The following DCHS2 variants were observed in gnomAD, a reference collection of about 807,000 sequenced individuals.
DCHS2 encodes dachsous cadherin-related 2, also known as protocadherin-23.
DCHS2 carries 142 observed loss-of-function variants against 182.4 expected under a neutral mutation model. That is an observed-to-expected ratio of 0.78 (90% CI 0.68 to 0.89). The LOEUF is 0.89. Ranked by LOEUF, DCHS2 falls within the 40% of genes least tolerant of loss-of-function variation. The pLI, the probability that DCHS2 is intolerant of heterozygous loss-of-function variation, is 0.00. For synonymous variants in DCHS2, 1,740 were observed against 1,663.3 expected, an observed-to-expected ratio of 1.05 and a Z score of -1.12; for missense variants, 4,319 against 4,198.6, an observed-to-expected ratio of 1.03 and a Z score of -0.79.
chr4:154,315,771 A>G lies in DCHS2; in HGVS notation c.5237T>C (p.Val1746Ala). ...NQNPGEFVTRVEALDRDSGVN... is the reference protein window; with the variant it reads ...NQNPGEFVTRAEALDRDSGVN... ...ACCTGAATCTCTGTCCAGAGCTTCA[A>G]CCCTGGTAACAAACTCCCCTGGATT... Residue 1746 changes from valine to alanine, a missense_variant, in exon 10 of 20, where the codon GTT becomes GCT. By Grantham distance (64) the Val-to-Ala change is moderately conservative (BLOSUM62 0). Coordinates refer to ENST00000357232, the MANE Select transcript of DCHS2 (RefSeq NM_001358235.2). 6.2e-7 allele frequency: 1 copy of G among 1,614,052 alleles called. No individual in the cohort carries two copies. Among genetic ancestry groups the G allele is most frequent in the East Asian group, 2.2e-5 (1 of 44,868 alleles).
chr4:154,472,451 C>A (rs1735509948), intron 1 of DCHS2, among the ~76,000 whole-genome samples: 4 of 152,114 alleles, frequency 2.6e-5, no homozygotes, highest in African/African-American at 9.7e-5. Context: ...TAAATTAAAT[C>A]AAATGTTGTG....
At chr4:154,361,291 G>A (rs1363094195) in intron 3 of DCHS2, among the ~76,000 whole-genome samples, 1 of 151,864 alleles carries the variant, frequency 6.6e-6, no homozygotes, top group African/African-American at 2.4e-5. Context: ...TTATACCCAG[G>A]TAACTTCACC....
chr4:154,337,142 T>C (rs1728848715), intron 3 of DCHS2, among the ~76,000 whole-genome samples: 3 of 152,278 alleles, frequency 2.0e-5, no homozygotes, highest in Admixed American at 1.3e-4. Flanking sequence ...TGGTGCAGTT[T>C]CTAAAAAATA....
chr4:154,307,728 A>G (rs2111306250), intron 10 of DCHS2, among the ~76,000 whole-genome samples: 1 of 152,224 alleles, frequency 6.6e-6, no homozygotes, highest in Non-Finnish European at 1.5e-5. Flanking sequence ...AAATTTCACA[A>G]CAGCATGGAT....
At chr4:154,454,698 G>T (rs1018211981) in intron 1 of DCHS2, among the ~76,000 whole-genome samples, 1 of 152,032 alleles carries the variant, frequency 6.6e-6, no homozygotes, top group Non-Finnish European at 1.5e-5. Flanking sequence ...CTACTTCAAG[G>T]CTATAAACGA....
intron 1 of DCHS2, among the ~76,000 whole-genome samples, chr4:154,418,793 G>A (rs1385560256): frequency 6.6e-6 from 1 of 152,148 alleles, no homozygotes; most frequent in Non-Finnish European, 1.5e-5. Context: ...ACTACAATAG[G>A]AAACACAATG....
chr4:154,259,540 G>C lies in DCHS2; in HGVS notation c.6789+5C>G, dbSNP rs766561648. 1.2e-6 allele frequency: 2 copies of C among 1,612,320 alleles called. No individual in the cohort carries two copies. Among genetic ancestry groups the C allele is most frequent in the East Asian group, 4.5e-5 (2 of 44,774 alleles). On this transcript the variant is annotated splice_donor_5th_base_variant and intron_variant, in intron 15 of 19. Transcript: ENST00000357232. ...CACACACACACACAAATATATTTCT[G>C]TTACCTGTATGACATGAGCATTGTA...
At chr4:154,413,990 C>A (rs1732729473) in intron 1 of DCHS2, among the ~76,000 whole-genome samples, 1 of 152,046 alleles carries the variant, frequency 6.6e-6, no homozygotes, top group Non-Finnish European at 1.5e-5. Context: ...CTAAAATAAT[C>A]TTATTCATTT....
chr4:154,461,179 A>C (rs978032206), intron 1 of DCHS2, among the ~76,000 whole-genome samples: 2 of 152,190 alleles, frequency 1.3e-5, no homozygotes, highest in Admixed American at 6.5e-5. Flanking sequence ...AGTATCACCA[A>C]AATTCAAATG....
At chr4:154,286,323 C>T (rs551120974) in intron 13 of DCHS2, among the ~76,000 whole-genome samples, 1 of 151,986 alleles carries the variant, frequency 6.6e-6, no homozygotes, top group Non-Finnish European at 1.5e-5. Context: ...GCATCAGTAC[C>T]ATCCAGGAAA....
intron 1 of DCHS2, among the ~76,000 whole-genome samples, chr4:154,381,704 A>T (rs1731176948): frequency 6.6e-6 from 1 of 152,172 alleles, no homozygotes; most frequent in Non-Finnish European, 1.5e-5. Flanking sequence ...AAAAAATAAA[A>T]TACCTAGGAA....
intron 1 of DCHS2, among the ~76,000 whole-genome samples, chr4:154,381,085 T>C (rs182069231): frequency 1.9e-4 from 29 of 152,216 alleles, no homozygotes; most frequent in African/African-American, 4.6e-4. Context: ...ATGGTGCTGA[T>C]TGAGCATCAG....
intron 7 of DCHS2, among the ~76,000 whole-genome samples, chr4:154,324,830 T>C (rs765481802): frequency 2.6e-5 from 4 of 152,208 alleles, no homozygotes; most frequent in South Asian, 2.1e-4. Context: ...TTTAATCCAT[T>C]GATTTTGTTC....
rs536495134 is a variant in DCHS2, at chr4:154,490,237, G to T, written c.1119C>A (p.Arg373=). 1.9e-6 allele frequency: 3 copies of T among 1,549,626 alleles called. No homozygotes were observed. In the African/African-American group the frequency reaches 4.1e-5, roughly 21 times the overall value. ...GVVRVWRPLD[R]EAQAWHQLVV... Reference sequence around the variant, plus strand: ...CCAACTGGTGCCAGGCCTGTGCCTCGCGGTCCAGAGGTCTCCACACTCGCA... The same window carrying T: ...CCAACTGGTGCCAGGCCTGTGCCTCTCGGTCCAGAGGTCTCCACACTCGCA... The change falls in exon 1 of 20, where the codon CGC becomes CGA. Residue 373 remains arginine (R), a synonymous_variant. Coordinates refer to ENST00000357232, the MANE Select transcript of DCHS2 (RefSeq NM_001358235.2).
chr4:154,401,968 T>C (rs537609040), intron 1 of DCHS2, among the ~76,000 whole-genome samples: 1 of 152,348 alleles, frequency 6.6e-6, no homozygotes, highest in East Asian at 1.9e-4. Context: ...CACTCCAGCC[T>C]GGGCAACTGA....
Position 154,490,085 on chromosome 4 carries a change from G to A in DCHS2, c.1271C>T (p.Ala424Val), listed in dbSNP as rs1484730943. The A allele has an allele frequency of 2.6e-6, 4 of 1,549,530 alleles. No homozygotes were observed. The highest frequency in any genetic ancestry group is 3.5e-6 in the Non-Finnish European group (4 of 1,146,812). The change falls in exon 1 of 20, where the codon GCC (alanine) becomes GTC (valine). Residue 424 changes from alanine to valine, a missense_variant. Transcript: ENST00000357232. ...CGGTCGGGCGCCTTCAGAGACACGGGCGACGCCTCCCTCTGTGAGAAAGAG... is the reference window on the plus strand; with the variant it reads ...CGGTCGGGCGCCTTCAGAGACACGGACGACGCCTCCCTCTGTGAGAAAGAG... The part of the protein sequence containing the change: ...HVLFLTEGGV[A>V]RVSEGARPGD...
intron 1 of DCHS2, among the ~76,000 whole-genome samples, chr4:154,475,337 G>A (rs1735641086): frequency 6.6e-6 from 1 of 152,108 alleles, no homozygotes; most frequent in Non-Finnish European, 1.5e-5. Flanking sequence ...TATCAAAAAA[G>A]TACCCTATAG....
chr4:154,354,462 A>G (rs778497132), intron 3 of DCHS2, among the ~76,000 whole-genome samples: 2 of 152,212 alleles, frequency 1.3e-5, no homozygotes, highest in Non-Finnish European at 2.9e-5. Context: ...AATAAATCCA[A>G]TTCATTACAA....
rs1266620109 is a variant in DCHS2, at chr4:154,240,812, C to A, written c.7084G>T (p.Gly2362Cys). 1 of 1,613,486 alleles carries A rather than the reference C, an allele frequency of 6.2e-7. No individual in the cohort carries two copies. ...ACTGACACATGAGTCACAATTACACCAGGCAAAGAATCTGAAATAGTCATG... is the reference window on the plus strand; with the variant it reads ...ACTGACACATGAGTCACAATTACACAAGGCAAAGAATCTGAAATAGTCATG... ...AVEITEDSLP[G>C]VIVTHVSVHD... Residue 2362 changes from glycine to cysteine, a missense_variant, in exon 18 of 20, where the codon GGT becomes TGT. Physicochemically the swap from Gly to Cys is radical, Grantham distance 159. Transcript: ENST00000357232.
Sources: gnomAD v4.1 joint callset for allele counts (sites outside exome capture counted in the v4.1 genomes callset) on GRCh38, gnomAD v4.1.1 for gene constraint, MANE v1.5 for transcripts, NCBI Gene and HGNC (gene_info 2026-07-23, HGNC 2026-07-21) for gene names.